DLG1: variants seen among roughly 807,000 people sequenced by gnomAD.
The protein encoded by DLG1 is discs large MAGUK scaffold protein 1.
Under a neutral mutation model 123.4 loss-of-function variants are expected in DLG1, and 42 were observed. That is an observed-to-expected ratio of 0.34 (90% CI 0.27 to 0.44). The LOEUF (loss-of-function observed/expected upper bound fraction) is 0.44, where lower values mean the gene tolerates loss of function less well. Among genes scored for constraint, DLG1 ranks in the 20% least tolerant of loss-of-function variants. The pLI, the probability that DLG1 is intolerant of heterozygous loss-of-function variation, is 1.00. For synonymous variants in DLG1, 317 were observed against 356.2 expected (o/e 0.89, Z 1.24); for missense variants, 942 against 1,082.6 (o/e 0.87, Z 1.82).
intron 5 of DLG1, among the ~76,000 whole-genome samples, chr3:197,154,653 T>G (rs1352051156): frequency 6.6e-6 from 1 of 151,420 alleles, no homozygotes. Context: ...CCAGCCTGGG[T>G]GACAGAGCCA....
At chr3:197,227,623 CA>C (rs1740670565) in intron 4 of DLG1, among the ~76,000 whole-genome samples, 1 of 152,164 alleles carries the variant, frequency 6.6e-6, no homozygotes, top group South Asian at 2.1e-4. Context: ...TTTTGCTATA[CA>C]CCAGAAACAG....
chr3:197,171,614 AATCT>A (rs955974730), intron 5 of DLG1, among the ~76,000 whole-genome samples: 28 of 152,174 alleles, frequency 1.8e-4, no homozygotes. Flanking sequence ...CTAGTTCATG[AATCT>A]ATCTCTACCT....
chr3:197,082,660 GAGAT>G (rs1301827106), intron 16 of DLG1, among the ~76,000 whole-genome samples: 2 of 152,276 alleles, frequency 1.3e-5, no homozygotes, highest in Admixed American at 6.5e-5. Context: ...GTCTAAGAAA[GAGAT>G]AGTTCTATTT....
At chr3:197,213,505 T>G (rs1366800507) in intron 4 of DLG1, among the ~76,000 whole-genome samples, 1 of 152,150 alleles carries the variant, frequency 6.6e-6, no homozygotes, top group Admixed American at 6.5e-5. Flanking sequence ...TCTGCAGCTG[T>G]CAAAACTAAT....
rs374834185 is a variant in DLG1 at position 197,182,703 on chromosome 3, T to G, written c.483+11722A>C. ...AGAGGACAAATGCATTCTCAACTTG[T>G]TTTTAGACCATTTCTCGTCCTTTTA... On this transcript the variant is annotated intron_variant, in intron 5 of 24. Transcript: ENST00000667157. Among the ~76,000 whole-genome samples the G allele has an allele frequency of 8.4e-5, 5 of 59,250 alleles. No individual in the cohort carries two copies. In the South Asian group the frequency reaches 3.2e-3, roughly 37 times the overall value. 38.9% of individuals were successfully genotyped at this position (59,250 alleles called of 152,430 possible). A position where few individuals can be genotyped will look rare whatever the true frequency, so the allele number is the denominator to read the frequency against.
chr3:197,193,500 C>T (rs115594248), intron 5 of DLG1, among the ~76,000 whole-genome samples: 1,816 of 152,248 alleles, frequency 0.012, 39 homozygotes, highest in African/African-American at 0.041. Flanking sequence ...GCACTTTTTA[C>T]ACTAGTAATA....
intron 22 of DLG1, among the ~76,000 whole-genome samples, chr3:197,060,351 T>C (rs890238797): frequency 1.3e-5 from 2 of 152,174 alleles, no homozygotes; most frequent in East Asian, 3.8e-4. Context: ...CAGGCTGGTC[T>C]TGAACTCCTG....
At chr3:197,122,100 T>C (rs1014932680) in intron 11 of DLG1, among the ~76,000 whole-genome samples, 3 of 151,922 alleles carry the variant, frequency 2.0e-5, no homozygotes, top group Admixed American at 6.6e-5. Flanking sequence ...CTAAACAAAA[T>C]ATAAGCAGTT....
chr3:197,219,556 C>T (rs1466635253), intron 4 of DLG1, among the ~76,000 whole-genome samples: 2 of 152,184 alleles, frequency 1.3e-5, no homozygotes, highest in Non-Finnish European at 2.9e-5. Context: ...ATTATGTCCC[C>T]CGCCCTCCCC....
chr3:197,172,084 C>T (rs1448262422), intron 5 of DLG1, among the ~76,000 whole-genome samples: 1 of 152,074 alleles, frequency 6.6e-6, no homozygotes, highest in African/African-American at 2.4e-5. Context: ...ATACCATATA[C>T]ACTCATACGT....
chr3:197,102,010 G>A (rs948314979), intron 14 of DLG1, among the ~76,000 whole-genome samples: 1 of 152,124 alleles, frequency 6.6e-6, no homozygotes, highest in African/African-American at 2.4e-5. Flanking sequence ...TCCCACCTAG[G>A]CCTTCCAAAG....
intron 9 of DLG1, 99 bp from the exon 10 acceptor site, chr3:197,136,777 T>C (rs1785233531): frequency 2.9e-6 from 3 of 1,040,404 alleles, no homozygotes; most frequent in Non-Finnish European, 4.1e-6. Context: ...CTCACACTAA[T>C]ATTTTTTAAA....
intron 14 of DLG1, among the ~76,000 whole-genome samples, chr3:197,101,387 ATTCT>A (rs1303300878): frequency 1.4e-5 from 2 of 146,772 alleles, no homozygotes; most frequent in East Asian, 2.0e-4. Context: ...ATCACAGGAG[ATTCT>A]TTTTTTTTTT....
At chr3:197,062,304 T>C (rs1053826192) in intron 22 of DLG1, among the ~76,000 whole-genome samples, 3 of 152,230 alleles carry the variant, frequency 2.0e-5, no homozygotes, top group African/African-American at 7.2e-5. Flanking sequence ...ATGTAATTCA[T>C]TGAATACTGT....
intron 5 of DLG1, among the ~76,000 whole-genome samples, chr3:197,193,859 G>A (rs527842346): frequency 7.3e-5 from 11 of 150,470 alleles, no homozygotes; most frequent in Admixed American, 4.6e-4. Context: ...TATTGCTGTC[G>A]CCCAGGCTGG....
At chr3:197,218,645 C>A (rs554439291) in intron 4 of DLG1, among the ~76,000 whole-genome samples, 3 of 152,104 alleles carry the variant, frequency 2.0e-5, no homozygotes, top group Non-Finnish European at 2.9e-5. Flanking sequence ...TTACAGAGAC[C>A]GTTCCCTATT....
intron 22 of DLG1, among the ~76,000 whole-genome samples, chr3:197,061,332 GTTTGC>G (rs1349993543): frequency 8.5e-5 from 13 of 152,170 alleles, no homozygotes; most frequent in Admixed American, 2.6e-4. Context: ...AATATTCTAG[GTTTGC>G]TTTAACTCTT....
At chr3:197,206,334 C>T (rs1033075265) in intron 4 of DLG1, among the ~76,000 whole-genome samples, 2 of 152,168 alleles carry the variant, frequency 1.3e-5, no homozygotes, top group African/African-American at 4.8e-5. Flanking sequence ...GGATCTCACT[C>T]TGTTACCAAG....
intron 7 of DLG1, among the ~76,000 whole-genome samples, chr3:197,141,392 G>A (rs564250052): frequency 1.3e-5 from 2 of 152,150 alleles, no homozygotes; most frequent in East Asian, 3.9e-4. Context: ...AAAAAGTTAG[G>A]AGACATCACA....
Sources: gnomAD v4.1 joint callset for allele counts (sites outside exome capture counted in the v4.1 genomes callset) on GRCh38, gnomAD v4.1.1 for gene constraint, MANE v1.5 for transcripts, NCBI Gene and HGNC (gene_info 2026-07-23, HGNC 2026-07-21) for gene names.